The following WWOX variants were observed in gnomAD, a reference collection of about 807,000 sequenced individuals.
WWOX encodes WW domain-containing oxidoreductase.
Under a neutral mutation model 46.2 loss-of-function variants are expected in WWOX, and 69 were observed. The observed-to-expected ratio is 1.49, with a 90% confidence interval of 1.23 to 1.82. WWOX has a LOEUF of 1.82. Ranked by LOEUF, WWOX falls within the 40% of genes most tolerant of loss-of-function variation. WWOX has a pLI of 0.00. For missense variants in WWOX, 919 were observed against 542.6 expected (o/e 1.69, Z -6.89); for synonymous variants, 359 against 202.6 (o/e 1.77, Z -6.56).
intron 8 of WWOX, among the ~76,000 whole-genome samples, chr16:78,721,950 T>C (rs1370761057): frequency 6.6e-6 from 1 of 152,262 alleles, no homozygotes; most frequent in East Asian, 1.9e-4. Flanking sequence ...CCTTTGCTAC[T>C]TTTTGCCTAT....
At chr16:78,258,637 A>G (rs576665606) in intron 5 of WWOX, among the ~76,000 whole-genome samples, 5 of 151,592 alleles carry the variant, frequency 3.3e-5, no homozygotes, top group African/African-American at 1.2e-4. Flanking sequence ...GTTTGGCAAA[A>G]ATGATAGAGA....
intron 5 of WWOX, among the ~76,000 whole-genome samples, chr16:78,282,753 C>T (rs1319907924): frequency 1.3e-5 from 2 of 151,864 alleles, no homozygotes; most frequent in African/African-American, 2.4e-5. Flanking sequence ...TGGTGTTCGC[C>T]TGTAGTCCCA....
At chr16:78,653,126 G>A (rs1275484337) in intron 8 of WWOX, among the ~76,000 whole-genome samples, 2 of 150,404 alleles carry the variant, frequency 1.3e-5, no homozygotes, top group Admixed American at 6.6e-5. Context: ...CAACAAATTG[G>A]GCTCGTAATA....
intron 8 of WWOX, among the ~76,000 whole-genome samples, chr16:79,030,669 G>A (rs1223402768): frequency 6.6e-6 from 1 of 152,116 alleles, no homozygotes; most frequent in Non-Finnish European, 1.5e-5. Flanking sequence ...CATGCACTTG[G>A]GTCTTGAAAT....
rs561407006 is a variant in WWOX, at chr16:78,715,994, A to G, written c.1056+283242A>G. Among the ~76,000 whole-genome samples, 21 of 152,234 alleles carry G rather than the reference A, an allele frequency of 1.4e-4. No individual in the cohort carries two copies. In the South Asian group the frequency reaches 4.1e-3, roughly 30 times the overall value. ...CAGAGGTATTACAGAGGTTTGAGCAAGAAATTATGGTGGTCCCAGGGATGA... is the reference window on the plus strand; with the variant it reads ...CAGAGGTATTACAGAGGTTTGAGCAGGAAATTATGGTGGTCCCAGGGATGA... On this transcript the variant is annotated intron_variant, in intron 8 of 8. Transcript: ENST00000566780.
rs939001505 is a variant in WWOX at position 78,425,201 on chromosome 16, G to A, written c.791+146G>A. 1.7e-5 allele frequency: 19 copies of A among 1,096,600 alleles called. No individual in the cohort carries two copies. The South Asian group carries it at 2.3e-4, about 13-fold the overall frequency. 67.9% of individuals were successfully genotyped at this position (1,096,600 alleles called of 1,614,324 possible). On this transcript the variant is annotated intron_variant, in intron 7 of 8. Transcript: ENST00000566780. ...AGCTTGGCTCACTTAATTTTTCCAG[G>A]TCTTTTTTGTTCGCCTGTGATTGTG...
chr16:79,173,863 A>C (rs907511050), intron 8 of WWOX, among the ~76,000 whole-genome samples: 1 of 152,200 alleles, frequency 6.6e-6, no homozygotes, highest in African/African-American at 2.4e-5. Flanking sequence ...AGAAAGATGG[A>C]TGGGGGAGAG....
intron 8 of WWOX, among the ~76,000 whole-genome samples, chr16:78,617,330 A>G (rs1024301320): frequency 6.6e-6 from 1 of 150,784 alleles, no homozygotes; most frequent in Non-Finnish European, 1.5e-5. Flanking sequence ...TGAGCCCAGG[A>G]GGCAGAGGTT....
At chr16:78,326,132 T>G (rs764088920) in intron 5 of WWOX, among the ~76,000 whole-genome samples, 119 of 152,192 alleles carry the variant, frequency 7.8e-4, no homozygotes, top group South Asian at 1.0e-3. Flanking sequence ...TTAGAAACTT[T>G]GTACTCAACC....
At chr16:78,858,392 A>T (rs545245633) in intron 8 of WWOX, among the ~76,000 whole-genome samples, 3 of 152,118 alleles carry the variant, frequency 2.0e-5, no homozygotes, top group South Asian at 4.1e-4. Context: ...ATGTATCTGT[A>T]TATGTATAAT....
chr16:78,650,090 C>CTG (rs1378708982), intron 8 of WWOX, among the ~76,000 whole-genome samples: 3 of 151,990 alleles, frequency 2.0e-5, no homozygotes, highest in African/African-American at 7.3e-5. Flanking sequence ...GTAGGACTGG[C>CTG]TGAAATGTCA....
intron 5 of WWOX, among the ~76,000 whole-genome samples, chr16:78,274,133 C>A (rs1224460226): frequency 6.6e-6 from 1 of 152,174 alleles, no homozygotes; most frequent in Non-Finnish European, 1.5e-5. Context: ...GGAATCACAT[C>A]CTGGTCTCCC....
chr16:78,308,662 A>G (rs145489747), intron 5 of WWOX, among the ~76,000 whole-genome samples: 17 of 152,294 alleles, frequency 1.1e-4, no homozygotes, highest in African/African-American at 3.8e-4. Flanking sequence ...CTGATCCAGG[A>G]GAGATTCACT....
At chr16:78,222,667 C>T (rs772795876) in intron 5 of WWOX, among the ~76,000 whole-genome samples, 22 of 152,152 alleles carry the variant, frequency 1.4e-4, no homozygotes, top group Admixed American at 2.6e-4. Flanking sequence ...GAGGCTGGCC[C>T]ATTGTTACAA....
In WWOX at chr16:78,461,760, C is replaced by A. The variant is rs183311652; in HGVS notation, c.1056+29008C>A. ...CCTTATTTATGATCGTCGAGCCCTC[C>A]CTTTTCCCGTCATGCTTTAGAATTA... On this transcript the variant is annotated intron_variant, in intron 8 of 8. Coordinates refer to ENST00000566780, the MANE Select transcript of WWOX (RefSeq NM_016373.4). Among the ~76,000 whole-genome samples the A allele has an allele frequency of 1.2e-4, 18 of 152,322 alleles. 1 individual carries two copies. The East Asian group carries it at 3.5e-3, about 29-fold the overall frequency.
chr16:79,041,768 T>C (rs1295644720), intron 8 of WWOX, among the ~76,000 whole-genome samples: 1 of 152,178 alleles, frequency 6.6e-6, no homozygotes, highest in African/African-American at 2.4e-5. Context: ...TGCTTTACAC[T>C]TTTGTTTTTT....
At chr16:78,446,878 C>G (rs943123568) in intron 8 of WWOX, among the ~76,000 whole-genome samples, 9 of 152,024 alleles carry the variant, frequency 5.9e-5, no homozygotes, top group African/African-American at 1.7e-4. Context: ...CCAGGCTGGA[C>G]ATGAACTTCT....
In WWOX at chr16:78,130,629, C is replaced by T. The variant is rs547069369; in HGVS notation, c.409+15475C>T. ...TTTCCATGGTCAGTTTACCTGCCTG[C>T]TTCCTGTAGAGGCTTGAGCTTGGTT... On this transcript the variant is annotated intron_variant, in intron 4 of 8. Coordinates refer to ENST00000566780, the MANE Select transcript of WWOX (RefSeq NM_016373.4). 3.3e-5 allele frequency among the ~76,000 whole-genome samples: 5 copies of T among 152,346 alleles called. No homozygotes were observed. In the South Asian group the frequency reaches 1.0e-3, roughly 32 times the overall value.
At chr16:78,519,927 G>C (rs2043313303) in intron 8 of WWOX, among the ~76,000 whole-genome samples, 1 of 152,132 alleles carries the variant, frequency 6.6e-6, no homozygotes, top group African/African-American at 2.4e-5. Flanking sequence ...AGGTTTTTGA[G>C]ATTCTTTTTT....
Sources: allele counts gnomAD v4.1 joint callset (sites outside exome capture counted in the v4.1 genomes callset), GRCh38; gene constraint gnomAD v4.1.1; transcripts MANE v1.5; gene names NCBI Gene and HGNC (gene_info 2026-07-23, HGNC 2026-07-21).